Variants in SERPINB7 observed in about 807,000 individuals in gnomAD.
SERPINB7 encodes the protein serpin family B member 7.
A neutral mutation model predicts 37.4 loss-of-function variants in SERPINB7; 31 were observed. The ratio of observed to expected loss-of-function variants is 0.83; its 90% CI spans 0.62 to 1.12. The LOEUF (loss-of-function observed/expected upper bound fraction) is 1.12. Among genes scored for constraint, SERPINB7 ranks in the 50% most tolerant of loss-of-function variants. The probability of loss-of-function intolerance (pLI) is 0.00; values close to 1 mark genes in which losing one functional copy is unlikely to be tolerated. For missense variants in SERPINB7, 521 were observed against 455.3 expected, an observed-to-expected ratio of 1.14 and a Z score of -1.31; for synonymous variants, 163 against 166.1, an observed-to-expected ratio of 0.98 and a Z score of 0.14.
chr18:63,800,982 C>T lies in SERPINB7; in HGVS notation c.714C>T (p.Tyr238=), dbSNP rs140159962. ...GATACAATGGTGGCATAAACATGTA[C>T]GTTCTGCTGCCTGAGAATGACCTCT... is the stretch of plus-strand genomic sequence containing the variant. ...ELRYNGGINM[Y]VLLPENDLSE... Residue 238 remains tyrosine, a synonymous_variant, in exon 7 of 8, where the codon TAC becomes TAT. Coordinates refer to ENST00000398019, the MANE Select transcript of SERPINB7 (RefSeq NM_003784.4). The T allele has an allele frequency of 1.1e-4, 178 of 1,613,796 alleles. No homozygotes were observed. The highest frequency in any genetic ancestry group is 2.7e-4 in the East Asian group (12 of 44,866).
chr18:63,777,621 G>A (rs1006696670), intron 1 of SERPINB7, among the ~76,000 whole-genome samples: 5 of 151,764 alleles, frequency 3.3e-5, no homozygotes, highest in Non-Finnish European at 5.9e-5. Flanking sequence ...TAGAGCTATA[G>A]CTAATATTCT....
chr18:63,762,882 G>C (rs915287138), intron 1 of SERPINB7, among the ~76,000 whole-genome samples: 4 of 152,108 alleles, frequency 2.6e-5, no homozygotes, highest in Admixed American at 6.5e-5. Context: ...AATATAACAA[G>C]ATAATATTTT....
At chr18:63,783,829 T>G (rs1000385945) in intron 2 of SERPINB7, among the ~76,000 whole-genome samples, 4 of 152,190 alleles carry the variant, frequency 2.6e-5, no homozygotes, top group Non-Finnish European at 5.9e-5. Context: ...GCCAGAGGAA[T>G]CTGGTGCCTG....
chr18:63,762,160 A>G (rs756392711), intron 1 of SERPINB7, among the ~76,000 whole-genome samples: 1 of 152,158 alleles, frequency 6.6e-6, no homozygotes, highest in African/African-American at 2.4e-5. Flanking sequence ...TAACCCTGCA[A>G]TGTGGTGCCA....
intron 5 of SERPINB7, among the ~76,000 whole-genome samples, chr18:63,796,948 G>A (rs1016557915): frequency 6.6e-5 from 10 of 152,072 alleles, no homozygotes; most frequent in Non-Finnish European, 1.3e-4. Context: ...AGGATGTATA[G>A]TATATCTCTC....
At chr18:63,779,986 A>G (rs950915209) in intron 1 of SERPINB7, among the ~76,000 whole-genome samples, 7 of 152,190 alleles carry the variant, frequency 4.6e-5, no homozygotes, top group African/African-American at 1.7e-4. Context: ...GATAGCTTCC[A>G]GACCCCCATT....
At chr18:63,794,696 C>CA (rs1324540496) in intron 4 of SERPINB7, among the ~76,000 whole-genome samples, 3 of 145,984 alleles carry the variant, frequency 2.1e-5, no homozygotes, top group African/African-American at 7.7e-5. Context: ...TCTCAAAAAA[C>CA]AAAAAACAAA....
At chr18:63,787,905 T>C (rs1468044399) in intron 2 of SERPINB7, among the ~76,000 whole-genome samples, 2 of 152,180 alleles carry the variant, frequency 1.3e-5, no homozygotes, top group Non-Finnish European at 2.9e-5. Flanking sequence ...GTATTACTAT[T>C]GTCTAGTGAT....
At chr18:63,796,421 T>A (rs2049489704) in intron 5 of SERPINB7, 38 bp downstream of exon 5, 3 of 1,190,988 alleles carry the variant, frequency 2.5e-6, no homozygotes, top group Admixed American at 1.7e-5. Flanking sequence ...ACAAGATTTG[T>A]CAGTTATATG....
intron 1 of SERPINB7, among the ~76,000 whole-genome samples, chr18:63,756,936 C>G (rs1190674970): frequency 6.6e-6 from 1 of 151,882 alleles, no homozygotes; most frequent in African/African-American, 2.4e-5. Flanking sequence ...CACTCAAATT[C>G]TATACCTTTT....
At chr18:63,786,028 G>T (rs11875413) in intron 2 of SERPINB7, among the ~76,000 whole-genome samples, 1 of 102,928 alleles carries the variant, frequency 9.7e-6, no homozygotes, top group African/African-American at 3.5e-5. Context: ...TATAATATAC[G>T]TATATATACA....
intron 5 of SERPINB7, among the ~76,000 whole-genome samples, chr18:63,797,907 G>A (rs2049505109): frequency 6.6e-6 from 1 of 152,164 alleles, no homozygotes; most frequent in African/African-American, 2.4e-5. Flanking sequence ...TGAATAAATA[G>A]TCTCTGCTTT....
rs527380237 is a variant in SERPINB7, at chr18:63,793,297, T to G, written c.336+20T>G. Reference sequence around the variant, plus strand: ...CATAAGGTAAGTGAAACTGCCTTTGTTAGAAGGACCTGAATCTTGTTAAAT... The same window carrying G: ...CATAAGGTAAGTGAAACTGCCTTTGGTAGAAGGACCTGAATCTTGTTAAAT... On this transcript the variant is annotated intron_variant, in intron 4 of 7. Transcript: ENST00000398019. 7.9e-7 allele frequency: 1 copy of G among 1,266,710 alleles called. No individual in the cohort carries two copies. Among genetic ancestry groups the G allele is most frequent in the Non-Finnish European group, 1.1e-6 (1 of 874,390 alleles). The allele number at this position is 1,266,710 out of a possible 1,614,324, so 78.5% of individuals were successfully genotyped here. A position where few individuals can be genotyped will look rare whatever the true frequency, so the allele number is the denominator to read the frequency against.
At chr18:63,799,721 G>A (rs930720004) in intron 6 of SERPINB7, among the ~76,000 whole-genome samples, 2 of 152,160 alleles carry the variant, frequency 1.3e-5, no homozygotes, top group Non-Finnish European at 2.9e-5. Context: ...GTCTCACTAA[G>A]CAGGTAGATT....
At chr18:63,755,056 C>A (rs904506684) in intron 1 of SERPINB7, among the ~76,000 whole-genome samples, 8 of 151,876 alleles carry the variant, frequency 5.3e-5, no homozygotes, top group African/African-American at 1.7e-4. Context: ...CCCGCCACCG[C>A]GCCCGGCTAA....
At chr18:63,756,092 TACACACACAC>T (rs5825530) in intron 1 of SERPINB7, among the ~76,000 whole-genome samples, 6 of 148,702 alleles carry the variant, frequency 4.0e-5, no homozygotes, top group Admixed American at 2.0e-4. Flanking sequence ...ATATAGGGTT[TACACACACAC>T]ACACACACAC....
At chr18:63,767,222 T>C (rs2049185589) in intron 1 of SERPINB7, among the ~76,000 whole-genome samples, 1 of 152,150 alleles carries the variant, frequency 6.6e-6, no homozygotes, top group African/African-American at 2.4e-5. Flanking sequence ...TAGAGCTCTC[T>C]TTTCTGCTAC....
At chr18:63,798,527 C>A (rs1350038371) in intron 5 of SERPINB7, 77 bp from the exon 6 acceptor site, 1 of 1,172,802 alleles carries the variant, frequency 8.5e-7, no homozygotes, top group African/African-American at 1.6e-5. Context: ...AAACTTCATA[C>A]CAATTAATGG....
At position 63,793,272 on chromosome 18, in the gene SERPINB7, C is replaced by G; in HGVS notation, c.331C>G (p.His111Asp). The part of the protein sequence containing the change: ...GLFAEKVYGF[H>D]KDYIECAEKL... ...TTTTGCTGAAAAAGTGTATGGCTTT[C>G]ATAAGGTAAGTGAAACTGCCTTTGT... Residue 111 changes from histidine (H) to aspartate (D), a missense_variant, in exon 4 of 8, where the codon CAT becomes GAT. His to Asp is a moderately conservative substitution (Grantham distance 81). Transcript: ENST00000398019. 1 of 1,560,242 alleles carries G rather than the reference C, an allele frequency of 6.4e-7. No homozygotes were observed. Among genetic ancestry groups the G allele is most frequent in the Non-Finnish European group, 8.8e-7 (1 of 1,136,800 alleles).
Sources: gnomAD v4.1 joint callset for allele counts (sites outside exome capture counted in the v4.1 genomes callset) on GRCh38, gnomAD v4.1.1 for gene constraint, MANE v1.5 for transcripts, NCBI Gene and HGNC (gene_info 2026-07-23, HGNC 2026-07-21) for gene names.